TNIK: variants seen among roughly 807,000 people sequenced by gnomAD.
The protein encoded by TNIK is TRAF2 and NCK interacting kinase.
A neutral mutation model predicts 191.3 loss-of-function variants in TNIK; 49 were observed. The observed-to-expected ratio is 0.26, with a 90% CI of 0.20 to 0.32. The LOEUF is 0.32. Ranked by LOEUF, TNIK falls within the 10% of genes least tolerant of loss-of-function variation. The probability of loss-of-function intolerance (pLI) is 1.00; values close to 1 mark genes in which losing one functional copy is unlikely to be tolerated. For synonymous variants in TNIK, 594 were observed against 600.9 expected (o/e 0.99, Z 0.17); for missense variants, 1,155 against 1,702.3 (o/e 0.68, Z 5.66).
intron 3 of TNIK, among the ~76,000 whole-genome samples, chr3:171,219,025 G>C (rs1258653341): frequency 1.4e-5 from 1 of 72,618 alleles, no homozygotes; most frequent in Admixed American, 1.5e-4. Context: ...TACTATATTA[G>C]TGTATTAATT....
intron 2 of TNIK, among the ~76,000 whole-genome samples, chr3:171,332,015 AAATT>A (rs57023580): frequency 0.62 from 93,602 of 151,484 alleles, 28,979 homozygotes; most frequent in East Asian, 0.73. Flanking sequence ...AATTTAATGT[AAATT>A]AATCTAAAAT....
At chr3:171,451,976 T>C (rs1048588458) in intron 1 of TNIK, among the ~76,000 whole-genome samples, 2 of 152,208 alleles carry the variant, frequency 1.3e-5, no homozygotes, top group African/African-American at 2.4e-5. Flanking sequence ...TTGTAACATA[T>C]GCAATGTATT....
intron 1 of TNIK, among the ~76,000 whole-genome samples, chr3:171,396,291 TCC>T (rs1720243658): frequency 6.6e-6 from 1 of 152,220 alleles, no homozygotes; most frequent in African/African-American, 2.4e-5. Flanking sequence ...ATTACTTCAT[TCC>T]TTTTTATGGC....
intron 9 of TNIK, among the ~76,000 whole-genome samples, chr3:171,170,463 C>T (rs1302805914): frequency 1.3e-5 from 2 of 152,216 alleles, no homozygotes; most frequent in Non-Finnish European, 2.9e-5. Flanking sequence ...AAGCTACCCT[C>T]TTCCTTTACT....
chr3:171,140,875 G>A (rs1315663628), intron 12 of TNIK, among the ~76,000 whole-genome samples: 1 of 152,142 alleles, frequency 6.6e-6, no homozygotes, highest in Non-Finnish European at 1.5e-5. Context: ...ACTTCACAAT[G>A]CTTAAGTCAT....
intron 1 of TNIK, among the ~76,000 whole-genome samples, chr3:171,423,052 A>G (rs1724036484): frequency 6.6e-6 from 1 of 152,214 alleles, no homozygotes; most frequent in African/African-American, 2.4e-5. Context: ...ACATTGTGTC[A>G]ACATGTGCAT....
chr3:171,367,628 A>G (rs1020885580), intron 2 of TNIK, among the ~76,000 whole-genome samples: 1 of 151,982 alleles, frequency 6.6e-6, no homozygotes, highest in Non-Finnish European at 1.5e-5. Flanking sequence ...TGCCACTACC[A>G]CCTGGCTAAT....
intron 16 of TNIK, among the ~76,000 whole-genome samples, chr3:171,126,375 C>T (rs73039315): frequency 0.068 from 10,354 of 152,088 alleles, 1,143 homozygotes; most frequent in African/African-American, 0.23. Flanking sequence ...TACTTGGGAA[C>T]GCTAAGTCAG....
At chr3:171,354,282 C>T (rs1309907416) in intron 2 of TNIK, among the ~76,000 whole-genome samples, 1 of 152,110 alleles carries the variant, frequency 6.6e-6, no homozygotes, top group African/African-American at 2.4e-5. Flanking sequence ...GATTTTCTCC[C>T]CTGTATTTAC....
chr3:171,412,624 A>C (rs1722553354), intron 1 of TNIK, among the ~76,000 whole-genome samples: 2 of 152,226 alleles, frequency 1.3e-5, no homozygotes, highest in African/African-American at 4.8e-5. Flanking sequence ...AGAAAGCAAG[A>C]GCTAACACCC....
chr3:171,349,595 G>A (rs1712806770), intron 2 of TNIK, among the ~76,000 whole-genome samples: 1 of 152,160 alleles, frequency 6.6e-6, no homozygotes, highest in Non-Finnish European at 1.5e-5. Flanking sequence ...GTTTATTCTA[G>A]CTCAACACAA....
chr3:171,404,876 T>C (rs1045578531), intron 1 of TNIK, among the ~76,000 whole-genome samples: 8 of 152,194 alleles, frequency 5.3e-5, no homozygotes, highest in African/African-American at 1.9e-4. Flanking sequence ...CAGTATTTTC[T>C]CTATGCCAAG....
At chr3:171,380,862 G>T (rs1327916841) in intron 1 of TNIK, among the ~76,000 whole-genome samples, 2 of 152,212 alleles carry the variant, frequency 1.3e-5, no homozygotes, top group East Asian at 3.9e-4. Flanking sequence ...TCCAGAGAAG[G>T]GTGAGATGGC....
At chr3:171,312,591 T>C (rs1295522009) in intron 2 of TNIK, among the ~76,000 whole-genome samples, 1 of 152,116 alleles carries the variant, frequency 6.6e-6, no homozygotes, top group Non-Finnish European at 1.5e-5. Flanking sequence ...GTGCTTTGAA[T>C]TGTTTGTGCC....
At chr3:171,252,033 T>C (rs942883655) in intron 2 of TNIK, among the ~76,000 whole-genome samples, 7 of 145,846 alleles carry the variant, frequency 4.8e-5, no homozygotes, top group Admixed American at 4.1e-4. Flanking sequence ...CTAAGGTAAA[T>C]GTTCATTTGC....
At chr3:171,291,195 T>C (rs1751643066) in intron 2 of TNIK, among the ~76,000 whole-genome samples, 2 of 152,222 alleles carry the variant, frequency 1.3e-5, no homozygotes, top group Non-Finnish European at 2.9e-5. Context: ...ATGGCTGTCA[T>C]ATGCATTACA....
At chr3:171,406,429 T>C (rs1472453081) in intron 1 of TNIK, among the ~76,000 whole-genome samples, 1 of 152,008 alleles carries the variant, frequency 6.6e-6, no homozygotes, top group East Asian at 1.9e-4. Context: ...GTTTGGGGTT[T>C]ATTTATTTAT....
chr3:171,182,261 T>C (rs1023828932), intron 7 of TNIK, among the ~76,000 whole-genome samples: 36 of 150,922 alleles, frequency 2.4e-4, no homozygotes, highest in African/African-American at 8.3e-4. Context: ...CCAAAGTTGC[T>C]TGTAAGCTAC....
intron 3 of TNIK, among the ~76,000 whole-genome samples, chr3:171,219,031 TA>T (rs1459815015): frequency 7.5e-5 from 7 of 93,902 alleles, no homozygotes; most frequent in African/African-American, 2.5e-4. Flanking sequence ...ATTAGTGTAT[TA>T]ATTATATTAA....
Sources: allele counts gnomAD v4.1 joint callset (sites outside exome capture counted in the v4.1 genomes callset), GRCh38; gene constraint gnomAD v4.1.1; transcripts MANE v1.5; gene names NCBI Gene and HGNC (gene_info 2026-07-23, HGNC 2026-07-21).